Variants in PPP4R3B observed in about 807,000 individuals in gnomAD.
The protein encoded by PPP4R3B is protein phosphatase 4 regulatory subunit 3B, also known as serine/threonine-protein phosphatase 4 regulatory subunit 3B.
PPP4R3B carries 52 observed loss-of-function variants against 95.4 expected under a neutral mutation model. That is an observed-to-expected ratio of 0.54 (90% CI 0.44 to 0.69). The LOEUF is 0.69. PPP4R3B is among the 30% of genes least tolerant of loss of function. The pLI, the probability that PPP4R3B is intolerant of heterozygous loss-of-function variation, is 0.00. For missense variants in PPP4R3B, 1,003 were observed against 1,005.9 expected (o/e 1.00, Z 0.04); for synonymous variants, 407 against 343.9 (o/e 1.18, Z -2.03).
chr2:55,604,110 C>T (rs1211877829), intron 2 of PPP4R3B, 34 bp from the exon 3 acceptor site: 1 of 1,513,176 alleles, frequency 6.6e-7, no homozygotes, highest in Non-Finnish European at 9.0e-7. Context: ...TATCATCACA[C>T]TAGAAAAGAG....
intron 7 of PPP4R3B, among the ~76,000 whole-genome samples, chr2:55,582,151 G>GA (rs1689528291): frequency 6.6e-6 from 1 of 152,148 alleles, no homozygotes; most frequent in East Asian, 1.9e-4. Context: ...AGAAAAAAAA[G>GA]AAAAAATGAC....
chr2:55,599,539 C>T (rs1692265301), intron 3 of PPP4R3B, among the ~76,000 whole-genome samples: 1 of 152,168 alleles, frequency 6.6e-6, no homozygotes, highest in South Asian at 2.1e-4. Flanking sequence ...GGCCCCTTCC[C>T]CTATTGGTCA....
At chr2:55,604,730 A>C (rs1011235977) in intron 2 of PPP4R3B, among the ~76,000 whole-genome samples, 1 of 152,086 alleles carries the variant, frequency 6.6e-6, no homozygotes, top group Non-Finnish European at 1.5e-5. Flanking sequence ...GGTTAGTTAC[A>C]TTTTTAGGAA....
chr2:55,596,324 A>G (rs894763917), intron 4 of PPP4R3B, among the ~76,000 whole-genome samples: 1 of 141,676 alleles, frequency 7.1e-6, no homozygotes, highest in African/African-American at 2.7e-5. Flanking sequence ...GAATTGTTTG[A>G]ATCATCAGAT....
At chr2:55,584,906 A>T in intron 7 of PPP4R3B, 145 bp downstream of exon 7, 1 of 636,208 alleles carries the variant, frequency 1.6e-6, no homozygotes, top group Non-Finnish European at 2.6e-6. Context: ...ACATATTCTA[A>T]TTTGGCCAAA....
chr2:55,593,720 G>C (rs555328578), intron 4 of PPP4R3B, among the ~76,000 whole-genome samples: 1 of 152,100 alleles, frequency 6.6e-6, no homozygotes, highest in Non-Finnish European at 1.5e-5. Flanking sequence ...AGGCAACATA[G>C]CAAAACCCCA....
At chr2:55,596,404 A>C (rs1398908878) in intron 4 of PPP4R3B, among the ~76,000 whole-genome samples, 1 of 152,234 alleles carries the variant, frequency 6.6e-6, no homozygotes, top group Non-Finnish European at 1.5e-5. Flanking sequence ...CGAGAATGAC[A>C]ATACCATGTG....
At chr2:55,607,084 T>G (rs998336274) in intron 2 of PPP4R3B, among the ~76,000 whole-genome samples, 2 of 152,192 alleles carry the variant, frequency 1.3e-5, no homozygotes, top group African/African-American at 4.8e-5. Flanking sequence ...TATCTCCACA[T>G]ATAGGCTACA....
intron 15 of PPP4R3B, 75 bp from the exon 16 acceptor site, chr2:55,559,043 T>TA: frequency 1.6e-6 from 2 of 1,224,724 alleles, no homozygotes; most frequent in Non-Finnish European, 2.3e-6. Flanking sequence ...CAGCAGTAAT[T>TA]AAAAAACTTA....
chr2:55,574,403 T>C (rs1688382953), intron 11 of PPP4R3B, among the ~76,000 whole-genome samples: 1 of 151,960 alleles, frequency 6.6e-6, no homozygotes, highest in Non-Finnish European at 1.5e-5. Context: ...GTAATGTTTC[T>C]GTAATAAATG....
chr2:55,602,590 A>T (rs539977264), intron 3 of PPP4R3B, among the ~76,000 whole-genome samples: 1 of 152,308 alleles, frequency 6.6e-6, no homozygotes, highest in Admixed American at 6.5e-5. Context: ...CATAAACTCT[A>T]ATCTCCAGTG....
chr2:55,556,871 T>G (rs1273632591), intron 16 of PPP4R3B, among the ~76,000 whole-genome samples: 1 of 152,138 alleles, frequency 6.6e-6, no homozygotes, highest in African/African-American at 2.4e-5. Context: ...GAGACCAGCC[T>G]GGGCAACATG....
intron 4 of PPP4R3B, among the ~76,000 whole-genome samples, chr2:55,589,643 C>T (rs980090810): frequency 6.6e-6 from 1 of 152,028 alleles, no homozygotes; most frequent in Non-Finnish European, 1.5e-5. Context: ...TGGCCAGGCG[C>T]GGTGGCTCAC....
chr2:55,553,746 G>A (rs1290889530), intron 16 of PPP4R3B, among the ~76,000 whole-genome samples: 1 of 152,124 alleles, frequency 6.6e-6, no homozygotes, highest in Non-Finnish European at 1.5e-5. Flanking sequence ...TTACCACAAT[G>A]TTTTCAAAGT....
chr2:55,607,274 G>A (rs1350910496), intron 2 of PPP4R3B, among the ~76,000 whole-genome samples: 3 of 152,022 alleles, frequency 2.0e-5, no homozygotes, highest in South Asian at 2.1e-4. Flanking sequence ...ATTCACCTTC[G>A]ACACTGTTTA....
rs1000368533 is a variant in PPP4R3B, at chr2:55,572,487, T to C, written c.1765+1132A>G. Among the ~76,000 whole-genome samples the C allele has an allele frequency of 2.0e-5, 3 of 152,274 alleles. No individual in the cohort carries two copies. In the East Asian group the frequency reaches 5.8e-4, roughly 29 times the overall value. Reference sequence around the variant, plus strand: ...TACACTAATATATGAAAAGATGCTGTCAGGGAAAATGCAAATTAGAATAAC... The same window carrying C: ...TACACTAATATATGAAAAGATGCTGCCAGGGAAAATGCAAATTAGAATAAC... On this transcript the variant is annotated intron_variant, in intron 12 of 16. Transcript: ENST00000616407.
chr2:55,615,400 T>C (rs748497375), intron 2 of PPP4R3B, 51 bp downstream of exon 2: 1 of 1,318,352 alleles, frequency 7.6e-7, no homozygotes, highest in Non-Finnish European at 1.1e-6. Flanking sequence ...AGATTAATAC[T>C]TCCTTGATCA....
intron 2 of PPP4R3B, chr2:55,614,049 A>G (rs1694561587): frequency 1.3e-5 from 2 of 152,182 alleles, no homozygotes; most frequent in African/African-American, 2.4e-5. Context: ...AAAGACACAC[A>G]ATATTTTCTA....
At chr2:55,600,564 A>C (rs1327158054) in intron 3 of PPP4R3B, among the ~76,000 whole-genome samples, 1 of 152,080 alleles carries the variant, frequency 6.6e-6, no homozygotes, top group Non-Finnish European at 1.5e-5. Context: ...AAAGTAAAAC[A>C]TGAGATATGA....
Sources: allele counts gnomAD v4.1 joint callset (sites outside exome capture counted in the v4.1 genomes callset), GRCh38; gene constraint gnomAD v4.1.1; transcripts MANE v1.5; gene names NCBI Gene and HGNC (gene_info 2026-07-23, HGNC 2026-07-21).